PEX13: variants seen among roughly 807,000 people sequenced by gnomAD.
PEX13 encodes the protein peroxisome biogenesis factor 13.
A neutral mutation model predicts 34.5 loss-of-function variants in PEX13; 28 were observed. The observed-to-expected ratio is 0.81, with a 90% CI of 0.60 to 1.11. The LOEUF (loss-of-function observed/expected upper bound fraction) is 1.11, where lower values mean the gene tolerates loss of function less well. Among genes scored for constraint, PEX13 ranks in the 50% most tolerant of loss-of-function variants. The pLI is 0.00. For synonymous variants in PEX13, 177 were observed against 175.1 expected, an observed-to-expected ratio of 1.01 and a Z score of -0.09; for missense variants, 550 against 491.0, an observed-to-expected ratio of 1.12 and a Z score of -1.13.
intron 1 of PEX13, among the ~76,000 whole-genome samples, chr2:61,022,727 TGTA>T (rs898936439): frequency 6.6e-6 from 1 of 151,880 alleles, no homozygotes; most frequent in African/African-American, 2.4e-5. Context: ...ATTGGCCAGG[TGTA>T]GTGGTGTGTG....
chr2:61,036,884 C>G (rs978492504), intron 2 of PEX13, among the ~76,000 whole-genome samples: 3 of 151,904 alleles, frequency 2.0e-5, no homozygotes, highest in Non-Finnish European at 2.9e-5. Flanking sequence ...TCAGGAGACC[C>G]ATCTCTTGTT....
intron 2 of PEX13, among the ~76,000 whole-genome samples, chr2:61,038,145 GACA>G (rs1680565948): frequency 6.6e-6 from 1 of 152,164 alleles, no homozygotes. Flanking sequence ...TCCAGGACCA[GACA>G]GATTCACAGC....
Position 61,032,178 on chromosome 2 carries a change from T to G in PEX13, c.787+65T>G, listed in dbSNP as rs1056594789. 5.2e-6 allele frequency: 6 copies of G among 1,161,880 alleles called. No individual in the cohort carries two copies. In the African/African-American group the frequency reaches 9.2e-5, roughly 18 times the overall value. The allele number at this position is 1,161,880 out of a possible 1,614,324, so 72.0% of individuals were successfully genotyped here. A position where few individuals can be genotyped will look rare whatever the true frequency, so the allele number is the denominator to read the frequency against. ...ACAATCTCAAATTTCAAGAATAGAT[T>G]TGTTAGTTTTCTTTATATTGATTTG... On this transcript the variant is annotated intron_variant, in intron 2 of 3. Coordinates refer to ENST00000295030, the MANE Select transcript of PEX13 (RefSeq NM_002618.4).
In PEX13 at chr2:61,044,340, C is replaced by T. The variant is rs530122656; in HGVS notation, c.788-1386C>T. Among the ~76,000 whole-genome samples, 12 of 152,276 alleles carry T rather than the reference C, an allele frequency of 7.9e-5. 1 individual carries two copies. Among genetic ancestry groups the T allele is most frequent in the Admixed American group, 7.9e-4 (12 of 15,282 alleles). ...GCTGGAGTGCGTAGTGCAGTCTCGG[C>T]TCACTGCAACCTCTGCCTCCCAGGT... On this transcript the variant is annotated intron_variant, in intron 2 of 3. Coordinates refer to ENST00000295030, the MANE Select transcript of PEX13 (RefSeq NM_002618.4).
At chr2:61,023,581 A>C (rs974623952) in intron 1 of PEX13, among the ~76,000 whole-genome samples, 1 of 152,112 alleles carries the variant, frequency 6.6e-6, no homozygotes, top group African/African-American at 2.4e-5. Flanking sequence ...TCTTCTGTCA[A>C]GCATTATATC....
intron 1 of PEX13, among the ~76,000 whole-genome samples, chr2:61,020,197 G>A (rs1028465043): frequency 1.3e-5 from 2 of 152,186 alleles, no homozygotes; most frequent in African/African-American, 2.4e-5. Context: ...CTGCACTGCA[G>A]CCTGGGCAAC....
chr2:61,045,589 G>A, intron 2 of PEX13, 137 bp from the exon 3 acceptor site: 1 of 677,874 alleles, frequency 1.5e-6, no homozygotes. Flanking sequence ...ATTTAACATA[G>A]TATTCATTAT....
Position 61,031,354 on chromosome 2 carries a change from ATACT to A in PEX13, c.93-59_93-56del, listed in dbSNP as rs1446881598. ...GCACCAGGTATATAGGAGATGTTTA[ATACT>A]TACTTTGAATTGAATTTATTGTATG... On this transcript the variant is annotated intron_variant, in intron 1 of 3. Transcript: ENST00000295030. 4.2e-6 allele frequency: 5 copies of A among 1,191,256 alleles called. No individual in the cohort carries two copies. In the African/African-American group the frequency reaches 7.5e-5, roughly 18 times the overall value. The allele number at this position is 1,191,256 out of a possible 1,614,324, so 73.8% of individuals were successfully genotyped here. A position where few individuals can be genotyped will look rare whatever the true frequency, so the allele number is the denominator to read the frequency against.
In PEX13 at chr2:61,050,231, C is replaced by G. The variant is rs1680773649; in HGVS notation, c.*1461C>G. ...TCTCTACTAAAAATACGAAAATTAGCTGGGTGCAGTGGCGTGCACCTGTAG... is the reference window on the plus strand; with the variant it reads ...TCTCTACTAAAAATACGAAAATTAGGTGGGTGCAGTGGCGTGCACCTGTAG... On this transcript the variant is annotated 3_prime_UTR_variant, in exon 4 of 4. Coordinates refer to ENST00000295030, the MANE Select transcript of PEX13 (RefSeq NM_002618.4). 1 of 152,122 alleles carries G rather than the reference C, an allele frequency of 6.6e-6. No individual in the cohort carries two copies. The highest frequency in any genetic ancestry group is 2.4e-5 in the African/African-American group (1 of 41,398). The allele number at this position is 152,122 out of a possible 1,614,324, so 9.4% of individuals were successfully genotyped here.
chr2:61,021,391 C>T (rs1052608404), intron 1 of PEX13, among the ~76,000 whole-genome samples: 1 of 152,238 alleles, frequency 6.6e-6, no homozygotes, highest in African/African-American at 2.4e-5. Context: ...TTGACGGATC[C>T]TATACCCATG....
intron 2 of PEX13, among the ~76,000 whole-genome samples, chr2:61,039,362 A>G (rs937489823): frequency 4.6e-5 from 7 of 152,216 alleles, no homozygotes; most frequent in African/African-American, 1.4e-4. Context: ...AGGCTACAGT[A>G]ACCAAAACAG....
In PEX13 at chr2:61,017,744, AGAGGAGGCG is replaced by A; in HGVS notation, c.-9_-1del. On this transcript the variant is annotated 5_prime_UTR_variant, in exon 1 of 4. Transcript: ENST00000295030. ...CAGTCAGGGGTAGGAGCGGGAGCCG[AGAGGAGGCG>A]GAGGAGATGGCGTCCCAGCCGCCAC... 1 of 1,547,216 alleles carries A rather than the reference AGAGGAGGCG, an allele frequency of 6.5e-7. No individual in the cohort carries two copies. Among genetic ancestry groups the A allele is most frequent in the Non-Finnish European group, 8.7e-7 (1 of 1,145,178 alleles).
chr2:61,018,323 G>GC lies in PEX13; in HGVS notation c.92+476dup. 3 of 1,545,076 alleles carry GC rather than the reference G, an allele frequency of 1.9e-6. No homozygotes were observed. In the South Asian group the frequency reaches 3.6e-5, roughly 18 times the overall value. ...AAGGTTTTACGCAACAGGAACTCAAGCCCCGTACACTTTGCATTCTTTTCC... is the reference window on the plus strand; with the variant it reads ...AAGGTTTTACGCAACAGGAACTCAAGCCCCCGTACACTTTGCATTCTTTTCC... On this transcript the variant is annotated intron_variant, in intron 1 of 3. Coordinates refer to ENST00000295030, the MANE Select transcript of PEX13 (RefSeq NM_002618.4).
chr2:61,044,154 T>C (rs1001416897), intron 2 of PEX13, among the ~76,000 whole-genome samples: 1 of 152,174 alleles, frequency 6.6e-6, no homozygotes, highest in African/African-American at 2.4e-5. Flanking sequence ...TCCACTGTGT[T>C]GCTCAGGCTG....
intron 2 of PEX13, among the ~76,000 whole-genome samples, chr2:61,036,505 A>G (rs1238075201): frequency 6.6e-6 from 1 of 152,198 alleles, no homozygotes; most frequent in East Asian, 1.9e-4. Context: ...TCAACCCAGA[A>G]TCTCATATCC....
chr2:61,018,137 A>C (rs1409479652), intron 1 of PEX13: 6 of 1,549,704 alleles, frequency 3.9e-6, no homozygotes, highest in Non-Finnish European at 5.2e-6. Flanking sequence ...CTTCCTACCT[A>C]CCGCTTCTGT....
chr2:61,043,614 TTTTG>T (rs1423658722), intron 2 of PEX13, among the ~76,000 whole-genome samples: 2 of 152,222 alleles, frequency 1.3e-5, no homozygotes, highest in Non-Finnish European at 2.9e-5. Flanking sequence ...AATACAGTTT[TTTTG>T]TTTATGGTTA....
chr2:61,042,834 C>T (rs1680646794), intron 2 of PEX13, among the ~76,000 whole-genome samples: 1 of 152,110 alleles, frequency 6.6e-6, no homozygotes, highest in Non-Finnish European at 1.5e-5. Context: ...AGAACAGTTC[C>T]TTGAAGAGTT....
chr2:61,017,740 GC>G lies in PEX13; in HGVS notation c.-18del. On this transcript the variant is annotated 5_prime_UTR_variant, in exon 1 of 4. Coordinates refer to ENST00000295030, the MANE Select transcript of PEX13 (RefSeq NM_002618.4). ...TGGACAGTCAGGGGTAGGAGCGGGA[GC>G]CGAGAGGAGGCGGAGGAGATGGCGT... 6.5e-7 allele frequency: 1 copy of G among 1,546,038 alleles called. No individual in the cohort carries two copies. Among genetic ancestry groups the G allele is most frequent in the Non-Finnish European group, 8.7e-7 (1 of 1,144,264 alleles).
Sources: gnomAD v4.1 joint callset for allele counts (sites outside exome capture counted in the v4.1 genomes callset) on GRCh38, gnomAD v4.1.1 for gene constraint, MANE v1.5 for transcripts, NCBI Gene and HGNC (gene_info 2026-07-23, HGNC 2026-07-21) for gene names.